Variants in CCDC179 observed in about 807,000 individuals in gnomAD.
CCDC179 encodes coiled-coil domain containing 179.
Under a neutral mutation model 12.0 loss-of-function variants are expected in CCDC179, and 17 were observed. The ratio of observed to expected loss-of-function variants is 1.42; its 90% CI spans 0.97 to 2.13. CCDC179 has a LOEUF of 2.13. CCDC179 is among the 30% of genes most tolerant of loss of function. The pLI is 0.00. For synonymous variants in CCDC179, 27 were observed against 26.4 expected (o/e 1.02, Z -0.07); for missense variants, 83 against 78.6 (o/e 1.06, Z -0.21).
At chr11:22,853,648 A>C in intron 3 of CCDC179, among the ~76,000 whole-genome samples, 1 of 127,326 alleles carries the variant, frequency 7.9e-6, no homozygotes, top group African/African-American at 2.8e-5. Context: ...AATATGTACA[A>C]TTGGAAAAAA....
intron 3 of CCDC179, among the ~76,000 whole-genome samples, chr11:22,854,548 A>C (rs1010317666): frequency 6.6e-6 from 1 of 151,804 alleles, no homozygotes; most frequent in Non-Finnish European, 1.5e-5. Flanking sequence ...GAAACCACTG[A>C]AAAAGTTAAA....
intron 1 of CCDC179, among the ~76,000 whole-genome samples, chr11:22,859,886 A>G (rs972184115): frequency 6.6e-6 from 1 of 152,206 alleles, no homozygotes. Context: ...AAAGCCTAGG[A>G]GTAATTGGTG....
intron 3 of CCDC179, among the ~76,000 whole-genome samples, chr11:22,851,090 A>G (rs1330910954): frequency 6.8e-6 from 1 of 146,728 alleles, no homozygotes; most frequent in Non-Finnish European, 1.5e-5. Context: ...GGTTCACGCC[A>G]TTCTCCTGTG....
chr11:22,852,637 C>T (rs4420266), intron 3 of CCDC179, among the ~76,000 whole-genome samples: 58,239 of 152,048 alleles, frequency 0.38, 11,613 homozygotes, highest in East Asian at 0.61. Context: ...ATTTTCCATA[C>T]CCCTGTGATT....
At chr11:22,855,186 ACAGCAC>A (rs1392659665) in intron 3 of CCDC179, among the ~76,000 whole-genome samples, 1 of 151,758 alleles carries the variant, frequency 6.6e-6, no homozygotes, top group South Asian at 2.1e-4. Flanking sequence ...TTTGAACTGA[ACAGCAC>A]CATCAGTCAG....
At chr11:22,854,879 C>T (rs1189348177) in intron 3 of CCDC179, among the ~76,000 whole-genome samples, 9 of 151,714 alleles carry the variant, frequency 5.9e-5, no homozygotes, top group African/African-American at 1.4e-4. Context: ...GAAAGATATA[C>T]ATTGCTAACA....
At chr11:22,851,520 G>T (rs1368756876) in intron 3 of CCDC179, among the ~76,000 whole-genome samples, 1 of 152,180 alleles carries the variant, frequency 6.6e-6, no homozygotes, top group East Asian at 1.9e-4. Context: ...TTTGATCAAA[G>T]AAATTTAAGT....
At chr11:22,850,775 C>T (rs958037243) in intron 3 of CCDC179, among the ~76,000 whole-genome samples, 18 of 151,094 alleles carry the variant, frequency 1.2e-4, no homozygotes, top group African/African-American at 4.1e-4. Flanking sequence ...ACCAAAATAA[C>T]TGTGTGTAAA....
chr11:22,859,536 A>G, intron 1 of CCDC179, 40 bp from the exon 2 acceptor site: 2 of 1,282,064 alleles, frequency 1.6e-6, no homozygotes, highest in Non-Finnish European at 2.1e-6. Context: ...CACACAAAAA[A>G]GTCATTAAAA....
chr11:22,853,693 G>T (rs533869588), intron 3 of CCDC179, among the ~76,000 whole-genome samples: 1 of 151,372 alleles, frequency 6.6e-6, no homozygotes, highest in Non-Finnish European at 1.5e-5. Flanking sequence ...GGAAAAGGAT[G>T]AAGAGGAAGA....
At chr11:22,856,877 G>C (rs1858540750) in intron 3 of CCDC179, among the ~76,000 whole-genome samples, 1 of 151,472 alleles carries the variant, frequency 6.6e-6, no homozygotes, top group Non-Finnish European at 1.5e-5. Flanking sequence ...TTTCCTTTAT[G>C]CCAGCAATGA....
intron 3 of CCDC179, among the ~76,000 whole-genome samples, chr11:22,848,364 A>C (rs1858277193): frequency 6.6e-6 from 1 of 152,040 alleles, no homozygotes; most frequent in African/African-American, 2.4e-5. Context: ...GAATTGCTTG[A>C]GCCCGGGAGG....
intron 3 of CCDC179, among the ~76,000 whole-genome samples, chr11:22,855,977 CA>C (rs1428610154): frequency 6.6e-6 from 1 of 151,226 alleles, no homozygotes; most frequent in Admixed American, 6.6e-5. Context: ...AAAATTCACA[CA>C]AGACATAGAT....
chr11:22,855,116 T>C (rs1564916409), intron 3 of CCDC179, among the ~76,000 whole-genome samples: 2 of 151,736 alleles, frequency 1.3e-5, no homozygotes, highest in Non-Finnish European at 3.0e-5. Context: ...TAGCTGGAAA[T>C]GTCAATTCTT....
At chr11:22,848,458 A>G (rs778972644) in intron 3 of CCDC179, among the ~76,000 whole-genome samples, 1 of 152,178 alleles carries the variant, frequency 6.6e-6, no homozygotes, top group Non-Finnish European at 1.5e-5. Context: ...GAAAAAAAAA[A>G]AAGTTTACAG....
chr11:22,857,920 A>C lies in CCDC179; in HGVS notation c.195+2T>G, dbSNP rs1339044642. On this transcript the variant is annotated splice_donor_variant, in intron 3 of 3. Coordinates refer to ENST00000532798, the MANE Select transcript of CCDC179 (RefSeq NM_001195637.2). LOFTEE classifies it high-confidence loss of function. ...TAATTTCAGTGAAACCTCTATACTT[A>C]CTAGGAGTCCTGGTTCTGGAATAGG... 6.9e-6 allele frequency: 10 copies of C among 1,456,822 alleles called. No individual in the cohort carries two copies. The highest frequency in any genetic ancestry group is 2.2e-5 in the Admixed American group (1 of 45,904). The allele number at this position is 1,456,822 out of a possible 1,614,324, so 90.2% of individuals were successfully genotyped here. A position where few individuals can be genotyped will look rare whatever the true frequency, so the allele number is the denominator to read the frequency against.
At position 22,850,961 on chromosome 11, in the gene CCDC179, T is replaced by C. The variant is rs1356408067; in HGVS notation, c.196-3440A>G. Among the ~76,000 whole-genome samples, 4 of 16,656 alleles carry C rather than the reference T, an allele frequency of 2.4e-4. 1 individual carries two copies. Among genetic ancestry groups the C allele is most frequent in the Admixed American group, 1.8e-3 (3 of 1,640 alleles). 10.9% of individuals were successfully genotyped at this position (16,656 alleles called of 152,430 possible). A position where few individuals can be genotyped will look rare whatever the true frequency, so the allele number is the denominator to read the frequency against. On this transcript the variant is annotated intron_variant, in intron 3 of 3. Coordinates refer to ENST00000532798, the MANE Select transcript of CCDC179 (RefSeq NM_001195637.2). The stretch of plus-strand genomic sequence containing the variant: ...TAGGCTATATATATATATATATATA[T>C]ATATATATATATATATTTTTTTTTT...
rs1015530544 is a variant in CCDC179 at position 22,860,425 on chromosome 11, G to T, written c.-4C>A. 6.5e-7 allele frequency: 1 copy of T among 1,534,784 alleles called. No homozygotes were observed. ...TGTCCCAGCAATACAGGCACATGCC[G>T]TGGAGCCTTAGGGCGCCCCCTGACG... On this transcript the variant is annotated 5_prime_UTR_variant, in exon 1 of 4. Coordinates refer to ENST00000532798, the MANE Select transcript of CCDC179 (RefSeq NM_001195637.2).
At chr11:22,856,987 A>G (rs986786393) in intron 3 of CCDC179, among the ~76,000 whole-genome samples, 1 of 151,670 alleles carries the variant, frequency 6.6e-6, no homozygotes, top group Non-Finnish European at 1.5e-5. Flanking sequence ...TAAAATCTGG[A>G]TGAGGAAAAT....
Sources: gnomAD v4.1 joint callset for allele counts (sites outside exome capture counted in the v4.1 genomes callset) on GRCh38, gnomAD v4.1.1 for gene constraint, MANE v1.5 for transcripts, NCBI Gene and HGNC (gene_info 2026-07-23, HGNC 2026-07-21) for gene names.